MAP2K6: variants seen among roughly 807,000 people sequenced by gnomAD.
The protein encoded by MAP2K6 is mitogen-activated protein kinase kinase 6.
Under a neutral mutation model 53.7 loss-of-function variants are expected in MAP2K6, and 16 were observed. The observed-to-expected ratio is 0.30, with a 90% CI of 0.20 to 0.45. The LOEUF (loss-of-function observed/expected upper bound fraction) is 0.45. Ranked by LOEUF, MAP2K6 falls within the 20% of genes least tolerant of loss-of-function variation. The pLI, the probability that MAP2K6 is intolerant of heterozygous loss-of-function variation, is 1.00. For missense variants in MAP2K6, 204 were observed against 411.9 expected (o/e 0.50, Z 4.37); for synonymous variants, 132 against 143.1 (o/e 0.92, Z 0.55).
intron 1 of MAP2K6, among the ~76,000 whole-genome samples, chr17:69,460,639 G>A (rs567547852): frequency 1.3e-5 from 2 of 152,292 alleles, no homozygotes; most frequent in African/African-American, 4.8e-5. Context: ...GGGTCCCAAT[G>A]TGTCACCCTG....
chr17:69,494,920 G>A lies in MAP2K6; in HGVS notation c.17-10860G>A, dbSNP rs917934873. Among the ~76,000 whole-genome samples, 2 of 151,858 alleles carry A rather than the reference G, an allele frequency of 1.3e-5. No homozygotes were observed. The highest frequency in any genetic ancestry group is 2.9e-5 in the Non-Finnish European group (2 of 67,954). On this transcript the variant is annotated intron_variant, in intron 1 of 11. Coordinates refer to ENST00000590474, the MANE Select transcript of MAP2K6 (RefSeq NM_002758.4). This position sits in a 1 kb window ranked among gnomAD's most constrained non-coding sequence, Gnocchi z 4.2. ...CTCGGGAGGCTGAGATAGGAGCATC[G>A]CTTGAACCTGGGAGGTGGAGGTTGC...
chr17:69,521,806 C>CAAAAAAAAAA (rs71293537), intron 7 of MAP2K6: 4 of 79,340 alleles, frequency 5.0e-5, no homozygotes, highest in African/African-American at 1.4e-4. Flanking sequence ...GATAAATGTA[C>CAAAAAAAAAA]AAAAAAAAAA....
chr17:69,504,827 G>T (rs1909376463), intron 1 of MAP2K6, among the ~76,000 whole-genome samples: 1 of 152,208 alleles, frequency 6.6e-6, no homozygotes, highest in Admixed American at 6.5e-5. Flanking sequence ...CCAAGAAGAA[G>T]TTATAACTTC....
At chr17:69,421,729 G>C (rs1017537764) in intron 1 of MAP2K6, among the ~76,000 whole-genome samples, 2 of 151,686 alleles carry the variant, frequency 1.3e-5, no homozygotes, top group African/African-American at 4.8e-5. Context: ...ATTTTTAGTA[G>C]AGATGGGATT....
At chr17:69,500,775 AAAG>A (rs1909141304) in intron 1 of MAP2K6, among the ~76,000 whole-genome samples, 1 of 152,010 alleles carries the variant, frequency 6.6e-6, no homozygotes, top group South Asian at 2.1e-4. Flanking sequence ...AGAAAAAAAA[AAAG>A]AGGTTTTCAG....
At chr17:69,453,494 A>G (rs1002426296) in intron 1 of MAP2K6, among the ~76,000 whole-genome samples, 2 of 152,234 alleles carry the variant, frequency 1.3e-5, no homozygotes, top group African/African-American at 4.8e-5. Flanking sequence ...GTTCGACTGT[A>G]AGACTGATGA....
intron 1 of MAP2K6, among the ~76,000 whole-genome samples, chr17:69,473,677 G>A (rs908006681): frequency 3.9e-5 from 6 of 152,152 alleles, no homozygotes; most frequent in Non-Finnish European, 5.9e-5. Flanking sequence ...GGAGTCCTAG[G>A]TTTGAAATGT....
At chr17:69,504,745 A>C (rs1175644259) in intron 1 of MAP2K6, among the ~76,000 whole-genome samples, 2 of 152,042 alleles carry the variant, frequency 1.3e-5, no homozygotes. Flanking sequence ...TCATCAACAA[A>C]AGTATTCGAG....
Position 69,544,564 on chromosome 17 carries a change from C to T in MAP2K6, c.*2811C>T, listed in dbSNP as rs537291906. ...ATCTGAATATCAGCCCTGTCTACAC[C>T]TATCAATGTATTACAAAATCAGTAT... On this transcript the variant is annotated 3_prime_UTR_variant, in exon 12 of 12. Transcript: ENST00000590474. 11 of 152,264 alleles carry T rather than the reference C, an allele frequency of 7.2e-5. No homozygotes were observed. Among genetic ancestry groups the T allele is most frequent in the African/African-American group, 2.6e-4 (11 of 41,544 alleles). 9.4% of individuals were successfully genotyped at this position (152,264 alleles called of 1,614,324 possible).
chr17:69,492,102 A>C (rs1371573587), intron 1 of MAP2K6, among the ~76,000 whole-genome samples: 1 of 152,052 alleles, frequency 6.6e-6, no homozygotes, highest in Non-Finnish European at 1.5e-5. Flanking sequence ...CCCGTTCTGT[A>C]GGTTGTCTGT....
chr17:69,425,473 C>T (rs925854974), intron 1 of MAP2K6, among the ~76,000 whole-genome samples: 1 of 152,092 alleles, frequency 6.6e-6, no homozygotes, highest in African/African-American at 2.4e-5. Flanking sequence ...CCACCACACC[C>T]AGCTACTTTT....
At chr17:69,443,155 T>C (rs1906872722) in intron 1 of MAP2K6, among the ~76,000 whole-genome samples, 1 of 152,194 alleles carries the variant, frequency 6.6e-6, no homozygotes, top group Non-Finnish European at 1.5e-5. Context: ...TGTACCTCTC[T>C]CATACCTTAT....
intron 10 of MAP2K6, among the ~76,000 whole-genome samples, chr17:69,535,292 C>A (rs1911297834): frequency 6.6e-6 from 1 of 152,082 alleles, no homozygotes; most frequent in Non-Finnish European, 1.5e-5. Context: ...AGTAGTATTA[C>A]CTTAGAAATG....
At chr17:69,463,433 G>A (rs1907689262) in intron 1 of MAP2K6, among the ~76,000 whole-genome samples, 1 of 148,168 alleles carries the variant, frequency 6.7e-6, no homozygotes, top group Admixed American at 6.8e-5. Flanking sequence ...GTGAATATAA[G>A]TATATTATTC....
At chr17:69,454,399 T>C (rs1482842092) in intron 1 of MAP2K6, among the ~76,000 whole-genome samples, 1 of 152,142 alleles carries the variant, frequency 6.6e-6, no homozygotes, top group African/African-American at 2.4e-5. Context: ...TTCTTTCTTT[T>C]TCTGAGACCA....
chr17:69,441,161 T>C (rs977193810), intron 1 of MAP2K6, among the ~76,000 whole-genome samples: 1 of 152,234 alleles, frequency 6.6e-6, no homozygotes, highest in African/African-American at 2.4e-5. Context: ...GGTGTGACTG[T>C]ATTTTTGTTT....
chr17:69,535,600 A>G (rs1423989524), intron 10 of MAP2K6, among the ~76,000 whole-genome samples: 2 of 152,208 alleles, frequency 1.3e-5, no homozygotes, highest in African/African-American at 2.4e-5. Context: ...TCTCAAGGAA[A>G]AGAAAATAAA....
chr17:69,518,700 C>A (rs980419122), intron 4 of MAP2K6, among the ~76,000 whole-genome samples: 8 of 152,132 alleles, frequency 5.3e-5, no homozygotes, highest in Admixed American at 1.3e-4. Flanking sequence ...TGCTGACTTG[C>A]TAAGTAGGCA....
intron 1 of MAP2K6, among the ~76,000 whole-genome samples, chr17:69,469,922 T>G (rs1907932668): frequency 6.6e-6 from 1 of 151,852 alleles, no homozygotes; most frequent in African/African-American, 2.4e-5. Context: ...GGGCCTGGCA[T>G]GGTGGCTCAT....
Sources: gnomAD v4.1 joint callset for allele counts (sites outside exome capture counted in the v4.1 genomes callset) on GRCh38, gnomAD v4.1.1 for gene constraint, Gnocchi (gnomAD v3.1) non-coding constraint, MANE v1.5 for transcripts, NCBI Gene and HGNC (gene_info 2026-07-23, HGNC 2026-07-21) for gene names.